ERC1: variants seen among roughly 807,000 people sequenced by gnomAD.
The protein encoded by ERC1 is ELKS/RAB6-interacting/CAST family member 1.
ERC1 carries 56 observed loss-of-function variants against 132.0 expected under a neutral mutation model. That is an observed-to-expected ratio of 0.42 (90% confidence interval 0.34 to 0.53). ERC1 has a LOEUF of 0.53. Ranked by LOEUF, ERC1 falls within the 20% of genes least tolerant of loss-of-function variation. The probability of loss-of-function intolerance (pLI) is 0.03; values close to 1 mark genes in which losing one functional copy is unlikely to be tolerated. For missense variants in ERC1, 1,202 were observed against 1,349.9 expected (o/e 0.89, Z 1.72); for synonymous variants, 478 against 476.1 (o/e 1.00, Z -0.05).
At chr12:1,298,067 G>A (rs2080099701) in intron 15 of ERC1, among the ~76,000 whole-genome samples, 1 of 152,038 alleles carries the variant, frequency 6.6e-6, no homozygotes, top group Non-Finnish European at 1.5e-5. Context: ...ACACTAGCAT[G>A]GTTGACAGAG....
In ERC1 at chr12:1,145,547, A is replaced by G. The variant is rs902223892; in HGVS notation, c.1737+3760A>G. 8.5e-5 allele frequency among the ~76,000 whole-genome samples: 13 copies of G among 152,188 alleles called. No individual in the cohort carries two copies. In the East Asian group the frequency reaches 2.3e-3, roughly 27 times the overall value. ...AGGTTGTCTGTTTACTCTTCTGACT[A>G]TTTCTTTTGCTGTGCAGAAACTTTT... On this transcript the variant is annotated intron_variant, in intron 8 of 18. Coordinates refer to ENST00000360905, the MANE Select transcript of ERC1 (RefSeq NM_178040.4).
chr12:1,481,339 CCT>C (rs1287014855), intron 18 of ERC1, among the ~76,000 whole-genome samples: 1 of 152,244 alleles, frequency 6.6e-6, no homozygotes, highest in Non-Finnish European at 1.5e-5. Context: ...CTTCACATCG[CCT>C]CTCTTTCCTA....
intron 15 of ERC1, among the ~76,000 whole-genome samples, chr12:1,344,711 G>C (rs2084270645): frequency 6.6e-6 from 1 of 152,164 alleles, no homozygotes; most frequent in Non-Finnish European, 1.5e-5. Flanking sequence ...GGCCTGCCAT[G>C]TGCCAGATTC....
intron 2 of ERC1, among the ~76,000 whole-genome samples, chr12:1,055,967 G>A (rs1487474610): frequency 1.3e-5 from 2 of 151,700 alleles, no homozygotes; most frequent in Non-Finnish European, 2.9e-5. Context: ...GCAACATAAT[G>A]AGACCCCTGT....
rs1251406759 is a variant in ERC1, at chr12:1,158,200, ATAGT to A, written c.1737+16415_1737+16418del. Among the ~76,000 whole-genome samples, 13 of 152,332 alleles carry A rather than the reference ATAGT, an allele frequency of 8.5e-5. No individual in the cohort carries two copies. In the East Asian group the frequency reaches 2.3e-3, roughly 27 times the overall value. On this transcript the variant is annotated intron_variant, in intron 8 of 18. Coordinates refer to ENST00000360905, the MANE Select transcript of ERC1 (RefSeq NM_178040.4). ...GTTTATTGACTACTTTTTATTAAAA[ATAGT>A]TTATTTATATTACCAATCCCCCTTC...
At chr12:1,112,626 T>A (rs1435934776) in intron 6 of ERC1, among the ~76,000 whole-genome samples, 1 of 152,210 alleles carries the variant, frequency 6.6e-6, no homozygotes, top group East Asian at 1.9e-4. Context: ...GCGGCCTTCT[T>A]TTCTTCCTAG....
intron 14 of ERC1, among the ~76,000 whole-genome samples, chr12:1,266,562 G>A (rs570051138): frequency 4.0e-5 from 6 of 151,542 alleles, no homozygotes; most frequent in South Asian, 4.2e-4. Flanking sequence ...GTGCCACCAC[G>A]CCCAGCTAAT....
At chr12:1,035,056 C>T (rs1384631349) in intron 2 of ERC1, among the ~76,000 whole-genome samples, 2 of 152,074 alleles carry the variant, frequency 1.3e-5, no homozygotes, top group East Asian at 1.9e-4. Flanking sequence ...GTCCAAAAAA[C>T]GAAGGGTGCA....
rs934370911 is a variant in ERC1, at chr12:1,491,363, T to C, written c.*1133T>C. 4.8e-5 allele frequency: 11 copies of C among 231,162 alleles called. No homozygotes were observed. The highest frequency in any genetic ancestry group is 8.6e-5 in the Non-Finnish European group (10 of 116,762). The allele number at this position is 231,162 out of a possible 1,614,324, so 14.3% of individuals were successfully genotyped here. A position where few individuals can be genotyped will look rare whatever the true frequency, so the allele number is the denominator to read the frequency against. ...ACCTTCTTCTAGCATAAATGAAGGT[T>C]TTTCCTCCTACACACATTCCTTCCT... is the stretch of plus-strand genomic sequence containing the variant. On this transcript the variant is annotated 3_prime_UTR_variant, in exon 19 of 19. Transcript: ENST00000360905.
At chr12:1,162,662 T>G (rs949471413) in intron 8 of ERC1, among the ~76,000 whole-genome samples, 1 of 152,102 alleles carries the variant, frequency 6.6e-6, no homozygotes, top group Non-Finnish European at 1.5e-5. Flanking sequence ...AGAGTAAGGT[T>G]GTTGTTTTTT....
chr12:1,406,333 A>G (rs953519382), intron 16 of ERC1, among the ~76,000 whole-genome samples: 2 of 152,218 alleles, frequency 1.3e-5, no homozygotes, highest in Non-Finnish European at 2.9e-5. Context: ...ATGAAACTAG[A>G]CAAACTATTT....
intron 2 of ERC1, among the ~76,000 whole-genome samples, chr12:1,040,006 A>T (rs982014553): frequency 6.6e-6 from 1 of 152,204 alleles, no homozygotes; most frequent in Non-Finnish European, 1.5e-5. Flanking sequence ...CCTGAAAGTT[A>T]TTATTTATTA....
intron 17 of ERC1, among the ~76,000 whole-genome samples, chr12:1,440,308 C>T (rs1273917084): frequency 1.4e-5 from 2 of 145,618 alleles, no homozygotes; most frequent in Admixed American, 6.9e-5. Flanking sequence ...GGGTTCACGC[C>T]ATTCTCCTGC....
intron 13 of ERC1, among the ~76,000 whole-genome samples, chr12:1,246,559 A>G (rs1297978412): frequency 1.3e-5 from 2 of 152,238 alleles, no homozygotes; most frequent in African/African-American, 4.8e-5. Flanking sequence ...GAGGTTAAAC[A>G]TGGCTTTCAT....
chr12:1,162,900 T>A (rs2154261538), intron 8 of ERC1, among the ~76,000 whole-genome samples: 1 of 152,330 alleles, frequency 6.6e-6, no homozygotes, highest in East Asian at 1.9e-4. Flanking sequence ...TCGTTTTCTT[T>A]CCTTTACTTA....
chr12:1,247,175 G>A (rs866896936), intron 13 of ERC1, among the ~76,000 whole-genome samples: 9 of 151,962 alleles, frequency 5.9e-5, no homozygotes, highest in Middle Eastern at 3.2e-3. Context: ...GTTGCAGTAA[G>A]CCCTGTTTGC....
At chr12:1,275,866 A>G (rs1314892161) in intron 14 of ERC1, among the ~76,000 whole-genome samples, 3 of 152,216 alleles carry the variant, frequency 2.0e-5, no homozygotes, top group African/African-American at 4.8e-5. Context: ...GTCAGAAGGC[A>G]GAGTACCTTT....
chr12:1,492,578 T>C lies in ERC1; in HGVS notation c.*2348T>C, dbSNP rs1394355568. 1 of 233,002 alleles carries C rather than the reference T, an allele frequency of 4.3e-6. No homozygotes were observed. Among genetic ancestry groups the C allele is most frequent in the South Asian group, 1.8e-4 (1 of 5,514 alleles). 14.4% of individuals were successfully genotyped at this position (233,002 alleles called of 1,614,324 possible). On this transcript the variant is annotated 3_prime_UTR_variant, in exon 19 of 19. Transcript: ENST00000360905. ...TGTCACTCTCCTCTTCATCTCAGCA[T>C]TCTCCATCACTTCCCCTCCAGAAAA...
intron 18 of ERC1, among the ~76,000 whole-genome samples, chr12:1,484,161 C>G (rs181338605): frequency 6.6e-6 from 1 of 151,822 alleles, no homozygotes; most frequent in South Asian, 2.1e-4. Flanking sequence ...AAAAATTAGC[C>G]GAGCGTGGTA....
Sources: gnomAD v4.1 joint callset for allele counts (sites outside exome capture counted in the v4.1 genomes callset) on GRCh38, gnomAD v4.1.1 for gene constraint, MANE v1.5 for transcripts, NCBI Gene and HGNC (gene_info 2026-07-23, HGNC 2026-07-21) for gene names.